Variants in GNB1L observed in about 807,000 individuals in gnomAD.
GNB1L encodes guanine nucleotide-binding protein subunit beta-like protein 1.
Under a neutral mutation model 29.1 loss-of-function variants are expected in GNB1L, and 20 were observed. The ratio of observed to expected loss-of-function variants is 0.69; its 90% confidence interval spans 0.48 to 1.00. The LOEUF (loss-of-function observed/expected upper bound fraction) is 1.00, where lower values mean the gene tolerates loss of function less well. Among genes scored for constraint, GNB1L ranks in the 50% least tolerant of loss-of-function variants. GNB1L has a pLI of 0.00. For synonymous variants in GNB1L, 193 were observed against 206.5 expected, an observed-to-expected ratio of 0.93 and a Z score of 0.56; for missense variants, 421 against 464.9, an observed-to-expected ratio of 0.91 and a Z score of 0.87.
intron 6 of GNB1L, among the ~76,000 whole-genome samples, chr22:19,803,298 C>CA (rs1299633500): frequency 2.0e-5 from 3 of 152,200 alleles, no homozygotes; most frequent in African/African-American, 7.2e-5. Context: ...GTTCTAATAA[C>CA]AGAGTTCACA....
chr22:19,831,053 T>C (rs1211487061), intron 2 of GNB1L, among the ~76,000 whole-genome samples: 1 of 152,160 alleles, frequency 6.6e-6, no homozygotes, highest in Non-Finnish European at 1.5e-5. Flanking sequence ...ATGGAAGAAC[T>C]GCATTATTAA....
chr22:19,826,703 T>A (rs1410334040), intron 2 of GNB1L, among the ~76,000 whole-genome samples: 1 of 152,216 alleles, frequency 6.6e-6, no homozygotes, highest in Admixed American at 6.5e-5. Context: ...AATGTGTATC[T>A]TCAATGGAGA....
At chr22:19,827,963 T>A (rs1937632564) in intron 2 of GNB1L, among the ~76,000 whole-genome samples, 1 of 152,144 alleles carries the variant, frequency 6.6e-6, no homozygotes, top group Non-Finnish European at 1.5e-5. Context: ...TTGGGTAAAT[T>A]CGTACGATAG....
chr22:19,833,564 C>A (rs915214556), intron 2 of GNB1L, among the ~76,000 whole-genome samples: 1 of 151,992 alleles, frequency 6.6e-6, no homozygotes, highest in Non-Finnish European at 1.5e-5. Flanking sequence ...GACCCTGTCT[C>A]TAAAATAAAA....
rs1369765393 is a variant in GNB1L, at chr22:19,854,555, CG to C, written c.-117-17del. 6.5e-6 allele frequency: 1 copy of C among 152,782 alleles called. No homozygotes were observed. The highest frequency in any genetic ancestry group is 1.5e-5 in the Non-Finnish European group (1 of 68,184). 9.5% of individuals were successfully genotyped at this position (152,782 alleles called of 1,614,324 possible). A position where few individuals can be genotyped will look rare whatever the true frequency, so the allele number is the denominator to read the frequency against. ...CAGGCGCCACCTAGAAAGTGGAGAA[CG>C]AGATCGGCCGCCGTGAGGCCAGGCA... On this transcript the variant is annotated splice_polypyrimidine_tract_variant and intron_variant, in intron 1 of 7. Coordinates refer to ENST00000329517, the MANE Select transcript of GNB1L (RefSeq NM_053004.3).
Position 19,846,885 on chromosome 22 carries a change from C to T in GNB1L, c.-21+7558G>A, listed in dbSNP as rs140274785. On this transcript the variant is annotated intron_variant, in intron 2 of 7. Coordinates refer to ENST00000329517, the MANE Select transcript of GNB1L (RefSeq NM_053004.3). ...TCTGTTGTTTAAGTCCCCTAGCCTG[C>T]GGTCCTTTGTCAGGCAGCCCCAGCA... 2.9e-3 allele frequency: 2,824 copies of T among 965,892 alleles called. 39 individuals carry two copies. In the South Asian group the frequency reaches 0.045, roughly 15 times the overall value. The allele number at this position is 965,892 out of a possible 1,614,324, so 59.8% of individuals were successfully genotyped here.
chr22:19,844,564 C>G (rs1316867622), intron 2 of GNB1L, among the ~76,000 whole-genome samples: 1 of 152,244 alleles, frequency 6.6e-6, no homozygotes, highest in African/African-American at 2.4e-5. Flanking sequence ...GCTGCCTCAG[C>G]TGAGCCAAGA....
In GNB1L at chr22:19,784,554, GCGCA is replaced by G. The variant is rs2145855159; in HGVS notation, c.*4151_*4154del. The G allele has an allele frequency of 6.6e-6, 1 of 152,588 alleles. No homozygotes were observed. The highest frequency in any genetic ancestry group is 2.4e-5 in the African/African-American group (1 of 41,598). 9.5% of individuals were successfully genotyped at this position (152,588 alleles called of 1,614,324 possible). The stretch of plus-strand genomic sequence containing the variant: ...TTGTCTAAGAGGGACCCTGTTGGCG[GCGCA>G]ACGCTGGGTGAGTGCTGCCCGCCCG... On this transcript the variant is annotated 3_prime_UTR_variant, in exon 8 of 8. Coordinates refer to ENST00000329517, the MANE Select transcript of GNB1L (RefSeq NM_053004.3).
chr22:19,817,290 G>A (rs1053202431), intron 4 of GNB1L, among the ~76,000 whole-genome samples: 1 of 152,196 alleles, frequency 6.6e-6, no homozygotes, highest in Admixed American at 6.5e-5. Flanking sequence ...AGATCATCCT[G>A]GCCAACATGG....
Position 19,785,083 on chromosome 22 carries a change from G to A in GNB1L, c.*3626C>T, listed in dbSNP as rs1293315304. 6.6e-6 allele frequency: 1 copy of A among 152,246 alleles called. No individual in the cohort carries two copies. The highest frequency in any genetic ancestry group is 2.4e-5 in the African/African-American group (1 of 41,454). 9.4% of individuals were successfully genotyped at this position (152,246 alleles called of 1,614,324 possible). A position where few individuals can be genotyped will look rare whatever the true frequency, so the allele number is the denominator to read the frequency against. Reference sequence around the variant, plus strand: ...ACGTTGTGCCCGTGCCTCGACACATGGAAATTCTTCCAATAAGAACAGGAT... The same window carrying A: ...ACGTTGTGCCCGTGCCTCGACACATAGAAATTCTTCCAATAAGAACAGGAT... On this transcript the variant is annotated 3_prime_UTR_variant, in exon 8 of 8. Transcript: ENST00000329517. This position sits in a 1 kb window ranked among gnomAD's most constrained non-coding sequence, Gnocchi z 4.1.
At chr22:19,789,579 A>G (rs1937229049) in intron 7 of GNB1L, among the ~76,000 whole-genome samples, 1 of 151,816 alleles carries the variant, frequency 6.6e-6, no homozygotes, top group South Asian at 2.1e-4. Flanking sequence ...GGTGGGGGCA[A>G]CGTCCCCGGC....
intron 2 of GNB1L, among the ~76,000 whole-genome samples, chr22:19,837,158 G>C (rs1165703100): frequency 2.0e-5 from 3 of 152,030 alleles, no homozygotes. Flanking sequence ...AGTAGAGACG[G>C]GGTCTCACCG....
intron 7 of GNB1L, among the ~76,000 whole-genome samples, chr22:19,794,188 T>C (rs1937281515): frequency 1.3e-5 from 2 of 151,930 alleles, no homozygotes; most frequent in South Asian, 4.1e-4. Context: ...GGTTTGAGGG[T>C]GCAGTGAGCT....
At chr22:19,810,300 TC>T (rs1001559549) in intron 5 of GNB1L, among the ~76,000 whole-genome samples, 6 of 151,658 alleles carry the variant, frequency 4.0e-5, no homozygotes, top group African/African-American at 1.2e-4. Context: ...CAATTTGGGC[TC>T]CAAAAGACCC....
intron 6 of GNB1L, among the ~76,000 whole-genome samples, chr22:19,802,738 T>C (rs1156719929): frequency 1.3e-5 from 2 of 152,330 alleles, no homozygotes; most frequent in Admixed American, 6.5e-5. Context: ...TCCATCTCCA[T>C]GAAAAATGAA....
Position 19,785,560 on chromosome 22 carries a change from A to C in GNB1L, c.*3149T>G, listed in dbSNP as rs1937185356. ...TGCTACCCAAGAGCATTATGGAGGAAGATGTGGAAGGGCTGCCTCTCCCAG... is the reference window on the plus strand; with the variant it reads ...TGCTACCCAAGAGCATTATGGAGGACGATGTGGAAGGGCTGCCTCTCCCAG... On this transcript the variant is annotated 3_prime_UTR_variant, in exon 8 of 8. Coordinates refer to ENST00000329517, the MANE Select transcript of GNB1L (RefSeq NM_053004.3). The surrounding 1 kb of genome is among the most constrained non-coding windows in gnomAD (Gnocchi z 4.1). The C allele has an allele frequency of 6.6e-6, 1 of 152,178 alleles. No homozygotes were observed. The highest frequency in any genetic ancestry group is 6.5e-5 in the Admixed American group (1 of 15,282). 9.4% of individuals were successfully genotyped at this position (152,178 alleles called of 1,614,324 possible).
chr22:19,834,475 G>A (rs1937730694), intron 2 of GNB1L, among the ~76,000 whole-genome samples: 1 of 152,166 alleles, frequency 6.6e-6, no homozygotes, highest in African/African-American at 2.4e-5. Flanking sequence ...GTAAAATGCG[G>A]TTTTATCACT....
rs1169758196 is a variant in GNB1L at position 19,847,945 on chromosome 22, C to T, written c.-21+6498G>A. 3.0e-6 allele frequency: 3 copies of T among 985,084 alleles called. No homozygotes were observed. In the African/African-American group the frequency reaches 5.2e-5, roughly 17 times the overall value. The allele number at this position is 985,084 out of a possible 1,614,324, so 61.0% of individuals were successfully genotyped here. The stretch of plus-strand genomic sequence containing the variant: ...GCTTTACTATTTTCCAGAGGGCCAA[C>T]TGCTTTTACTGAATAATCCATTTTA... On this transcript the variant is annotated intron_variant, in intron 2 of 7. Transcript: ENST00000329517.
chr22:19,807,244 T>C (rs1421706291), intron 5 of GNB1L, among the ~76,000 whole-genome samples: 3 of 152,232 alleles, frequency 2.0e-5, no homozygotes, highest in South Asian at 2.1e-4. Context: ...GCATCGAGGC[T>C]GCATTCCAGG....
Sources: allele counts gnomAD v4.1 joint callset (sites outside exome capture counted in the v4.1 genomes callset), GRCh38; gene constraint gnomAD v4.1.1; non-coding constraint Gnocchi (gnomAD v3.1); transcripts MANE v1.5; gene names NCBI Gene and HGNC (gene_info 2026-07-23, HGNC 2026-07-21).